KDM4C: variants seen among roughly 807,000 people sequenced by gnomAD.
The protein encoded by KDM4C is lysine-specific demethylase 4C.
Under a neutral mutation model 129.3 loss-of-function variants are expected in KDM4C, and 81 were observed. That is an observed-to-expected ratio of 0.63 (90% CI 0.52 to 0.75). KDM4C has a LOEUF of 0.75. Among genes scored for constraint, KDM4C ranks in the 30% least tolerant of loss-of-function variants. The pLI, the probability that KDM4C is intolerant of heterozygous loss-of-function variation, is 0.00. For missense variants in KDM4C, 1,457 were observed against 1,304.0 expected (o/e 1.12, Z -1.81); for synonymous variants, 573 against 456.1 (o/e 1.26, Z -3.26).
chr9:7,016,929 A>T (rs1257399203), intron 15 of KDM4C, among the ~76,000 whole-genome samples: 1 of 152,066 alleles, frequency 6.6e-6, no homozygotes, highest in African/African-American at 2.4e-5. Flanking sequence ...CTGTGTTCAT[A>T]TCCAGTGTTT....
intron 1 of KDM4C, among the ~76,000 whole-genome samples, chr9:6,779,975 TA>T (rs955968215): frequency 6.6e-6 from 1 of 152,214 alleles, no homozygotes; most frequent in African/African-American, 2.4e-5. Context: ...TTGAGCTATT[TA>T]AGCAAACTAG....
intron 17 of KDM4C, among the ~76,000 whole-genome samples, chr9:7,100,113 C>A (rs565679737): frequency 1.3e-5 from 2 of 151,946 alleles, no homozygotes; most frequent in African/African-American, 4.8e-5. Flanking sequence ...AAATCAAGGC[C>A]GGTTGTGGCG....
intron 15 of KDM4C, among the ~76,000 whole-genome samples, chr9:7,021,140 G>GTATA (rs56054555): frequency 2.7e-4 from 39 of 146,952 alleles, no homozygotes; most frequent in African/African-American, 6.6e-4. Flanking sequence ...GTGTGTGTGT[G>GTATA]TATATATATA....
Position 6,801,550 on chromosome 9 carries a change from TAA to T in KDM4C, c.145-4040_145-4039del, listed in dbSNP as rs558136132. 4.8e-5 allele frequency among the ~76,000 whole-genome samples: 7 copies of T among 145,454 alleles called. 1 individual carries two copies. The highest frequency in any genetic ancestry group is 9.1e-5 in the Non-Finnish European group (6 of 66,028). On this transcript the variant is annotated intron_variant, in intron 2 of 21. Transcript: ENST00000381309. ...CCGTGCCCAGCCTGACCTTGTCTCT[TAA>T]AAAAAAAAGATTGGAGGGCAAGTTA...
intron 19 of KDM4C, among the ~76,000 whole-genome samples, chr9:7,158,228 G>T (rs202047440): frequency 6.6e-6 from 1 of 151,654 alleles, no homozygotes; most frequent in Non-Finnish European, 1.5e-5. Flanking sequence ...TTGCATCTAT[G>T]TGATTCTTCT....
chr9:6,819,844 G>A (rs568865802), intron 4 of KDM4C, among the ~76,000 whole-genome samples: 1 of 152,250 alleles, frequency 6.6e-6, no homozygotes, highest in East Asian at 1.9e-4. Context: ...TCTTTATATT[G>A]TTTAATTCTT....
At chr9:6,742,519 T>C (rs1817734521) in intron 1 of KDM4C, among the ~76,000 whole-genome samples, 1 of 151,944 alleles carries the variant, frequency 6.6e-6, no homozygotes, top group Non-Finnish European at 1.5e-5. Context: ...TATTGTCTTT[T>C]GCCAAAATTT....
chr9:6,870,543 T>C (rs1842688714), intron 5 of KDM4C, among the ~76,000 whole-genome samples: 1 of 152,068 alleles, frequency 6.6e-6, no homozygotes, highest in African/African-American at 2.4e-5. Context: ...TGGTGTGTTA[T>C]CAGTGCTCAA....
intron 18 of KDM4C, among the ~76,000 whole-genome samples, chr9:7,121,322 T>A (rs932326670): frequency 2.6e-5 from 4 of 152,202 alleles, no homozygotes; most frequent in African/African-American, 9.7e-5. Context: ...CAGTGTGATC[T>A]CTCATCTCCA....
intron 17 of KDM4C, among the ~76,000 whole-genome samples, chr9:7,092,440 C>G (rs1835913038): frequency 6.6e-6 from 1 of 152,188 alleles, no homozygotes; most frequent in Non-Finnish European, 1.5e-5. Flanking sequence ...TTGAACTCTT[C>G]TTTCTCTGTC....
chr9:6,991,466 T>G (rs1485809636), intron 12 of KDM4C, among the ~76,000 whole-genome samples: 3 of 152,130 alleles, frequency 2.0e-5, no homozygotes, highest in African/African-American at 7.2e-5. Context: ...GTAAGTGTCT[T>G]GTATATGTCT....
chr9:6,838,791 G>A (rs908861540), intron 4 of KDM4C, among the ~76,000 whole-genome samples: 5 of 152,198 alleles, frequency 3.3e-5, no homozygotes, highest in African/African-American at 7.2e-5. Context: ...AAGCTATCAT[G>A]TCAAACATTA....
chr9:6,720,928 G>C (rs908193474), exon 1 of KDM4C: 2 of 1,550,838 alleles, frequency 1.3e-6, no homozygotes, highest in African/African-American at 1.4e-5. Context: ...CATTCATGTG[G>C]AAGAGGCTAA....
At chr9:7,069,782 A>G (rs538600420) in intron 17 of KDM4C, among the ~76,000 whole-genome samples, 20 of 152,210 alleles carry the variant, frequency 1.3e-4, no homozygotes, top group Non-Finnish European at 2.8e-4. Flanking sequence ...TAAAGTCAAA[A>G]TAGTAGTAAT....
intron 2 of KDM4C, among the ~76,000 whole-genome samples, chr9:6,796,453 A>T (rs1192956696): frequency 6.6e-6 from 1 of 152,112 alleles, no homozygotes; most frequent in African/African-American, 2.4e-5. Context: ...GTTCTCTCCC[A>T]CTTTTGTTTC....
intron 4 of KDM4C, among the ~76,000 whole-genome samples, chr9:6,833,833 G>A (rs1247472670): frequency 6.6e-6 from 1 of 152,134 alleles, no homozygotes; most frequent in East Asian, 1.9e-4. Flanking sequence ...TTCTGCGGTT[G>A]CCATTTTAAG....
At position 6,888,030 on chromosome 9, in the gene KDM4C, A is replaced by G. The variant is rs141565975; in HGVS notation, c.750A>G (p.Ser250=). The change falls in exon 7 of 22, where the codon TCA becomes TCG. Residue 250 remains serine (S), a synonymous_variant. Coordinates refer to ENST00000381309, the MANE Select transcript of KDM4C (RefSeq NM_015061.6). Reference sequence around the variant, plus strand: ...ACAAGATGACATTGATTTCTCCATCAGTATTGAAGAAATATGGTATTCCCT... The same window carrying G: ...ACAAGATGACATTGATTTCTCCATCGGTATTGAAGAAATATGGTATTCCCT... ...LRHKMTLISP[S]VLKKYGIPFD... 1.8e-4 allele frequency: 285 copies of G among 1,602,460 alleles called. No homozygotes were observed. The highest frequency in any genetic ancestry group is 1.2e-3 in the Middle Eastern group (7 of 6,030).
At chr9:6,998,122 T>TA (rs1395461755) in intron 12 of KDM4C, among the ~76,000 whole-genome samples, 1 of 152,236 alleles carries the variant, frequency 6.6e-6, no homozygotes, top group Non-Finnish European at 1.5e-5. Context: ...AATGAGCTGT[T>TA]AAGCATCTTT....
At chr9:6,894,855 C>G (rs1846607387) in intron 8 of KDM4C, among the ~76,000 whole-genome samples, 1 of 152,174 alleles carries the variant, frequency 6.6e-6, no homozygotes, top group South Asian at 2.1e-4. Flanking sequence ...TCTTCTCTGG[C>G]TAGCCATGTA....
Sources: gnomAD v4.1 joint callset for allele counts (sites outside exome capture counted in the v4.1 genomes callset) on GRCh38, gnomAD v4.1.1 for gene constraint, MANE v1.5 for transcripts, NCBI Gene and HGNC (gene_info 2026-07-23, HGNC 2026-07-21) for gene names.